NEDD9: variants seen among roughly 807,000 people sequenced by gnomAD.
NEDD9 encodes the protein neural precursor cell expressed, developmentally down-regulated 9.
NEDD9 carries 26 observed loss-of-function variants against 76.6 expected under a neutral mutation model. The observed-to-expected ratio is 0.34, with a 90% CI of 0.25 to 0.47. The LOEUF (loss-of-function observed/expected upper bound fraction) is 0.47, where lower values mean the gene tolerates loss of function less well. Among genes scored for constraint, NEDD9 ranks in the 20% least tolerant of loss-of-function variants. The pLI is 1.00. For synonymous variants in NEDD9, 392 were observed against 414.2 expected (o/e 0.95, Z 0.65); for missense variants, 937 against 1,058.5 (o/e 0.89, Z 1.59).
At chr6:11,337,883 T>C (rs1334174688) in intron 1 of NEDD9, among the ~76,000 whole-genome samples, 3 of 152,166 alleles carry the variant, frequency 2.0e-5, no homozygotes, top group Non-Finnish European at 4.4e-5. Flanking sequence ...TTAAAAAATA[T>C]TAAGGTTTTC....
intron 3 of NEDD9, among the ~76,000 whole-genome samples, chr6:11,296,073 A>G (rs1232638258): frequency 6.6e-6 from 1 of 152,118 alleles, no homozygotes; most frequent in East Asian, 1.9e-4. Context: ...TAAGAAGAGG[A>G]GATGAGGACA....
chr6:11,265,669 G>T (rs1760187979), intron 3 of NEDD9, among the ~76,000 whole-genome samples: 1 of 152,208 alleles, frequency 6.6e-6, no homozygotes, highest in Admixed American at 6.5e-5. Flanking sequence ...GGAATCAGGG[G>T]AGAGGTGTCA....
In NEDD9 at chr6:11,213,692, T is replaced by G; in HGVS notation, c.48A>C (p.Pro16=). 6.2e-7 allele frequency: 1 copy of G among 1,614,146 alleles called. No individual in the cohort carries two copies. The highest frequency in any genetic ancestry group is 8.5e-7 in the Non-Finnish European group (1 of 1,180,024). Residue 16 remains proline (P), a synonymous_variant, in exon 2 of 7, where the codon CCA becomes CCC. Transcript: ENST00000379446. This position sits in a 1 kb window ranked among gnomAD's most constrained non-coding sequence, Gnocchi z 5.4. Reference sequence around the variant, plus strand: ...GAAAGGCCAGTTCCTCGGCACACTCTGGGACATTGTCATATAAGGCCCTTG... The same window carrying G: ...GAAAGGCCAGTTCCTCGGCACACTCGGGGACATTGTCATATAAGGCCCTTG... The part of the protein sequence containing the change: ...LMARALYDNV[P]ECAEELAFRK...
rs1321748573 is a variant in NEDD9, at chr6:11,370,929, G to A, written c.-214+11210C>T. ...TGGCCATTTTGCATGGCATGTGAGG[G>A]AGGGCTGGCGGATTGGGTGACTTGT... On this transcript the variant is annotated intron_variant, in intron 1 of 3. Coordinates refer to the NEDD9 transcript ENST00000397378. This position sits in a 1 kb window ranked among gnomAD's most constrained non-coding sequence, Gnocchi z 4.2. Among the ~76,000 whole-genome samples, 12 of 152,138 alleles carry A rather than the reference G, an allele frequency of 7.9e-5. No individual in the cohort carries two copies.
At chr6:11,287,981 C>A (rs191682683) in intron 3 of NEDD9, among the ~76,000 whole-genome samples, 1 of 152,166 alleles carries the variant, frequency 6.6e-6, no homozygotes, top group Non-Finnish European at 1.5e-5. Context: ...GGTGGGGTCC[C>A]GGGTACAGTT....
intron 2 of NEDD9, among the ~76,000 whole-genome samples, chr6:11,333,714 T>C (rs1369581500): frequency 6.6e-6 from 1 of 152,222 alleles, no homozygotes; most frequent in Non-Finnish European, 1.5e-5. Flanking sequence ...CCTGCAGCTG[T>C]GTTTAGGAGG....
chr6:11,185,633 C>G lies in NEDD9; in HGVS notation c.2034G>C (p.Lys678Asn). 6.2e-7 allele frequency: 1 copy of G among 1,614,172 alleles called. No homozygotes were observed. The highest frequency in any genetic ancestry group is 8.5e-7 in the Non-Finnish European group (1 of 1,180,048). Reference sequence around the variant, plus strand: ...ACTTCGAGATGTCATTCTCCACGGGCTTTGTAATCTCTTGTTCCAACAGCT... The same window carrying G: ...ACTTCGAGATGTCATTCTCCACGGGGTTTGTAATCTCTTGTTCCAACAGCT... Reference protein sequence around the residue: ...QFQLLEQEITKPVENDISKWK... With the variant: ...QFQLLEQEITNPVENDISKWK... The change falls in exon 7 of 7, where the codon AAG becomes AAC. Residue 678 changes from lysine (K) to asparagine (N), a missense_variant. Physicochemically the swap from Lys to Asn is moderately conservative, Grantham distance 94. Coordinates refer to ENST00000379446, the MANE Select transcript of NEDD9 (RefSeq NM_006403.4).
chr6:11,188,047 C>G (rs1265397073), intron 6 of NEDD9, among the ~76,000 whole-genome samples, 171 bp downstream of exon 6: 1 of 152,202 alleles, frequency 6.6e-6, no homozygotes, highest in African/African-American at 2.4e-5. Context: ...GTTGAACTAA[C>G]AAGGTCATAA....
chr6:11,233,279 T>C (rs565131580), upstream of NEDD9: 3 of 519,036 alleles, frequency 5.8e-6, no homozygotes, highest in Admixed American at 5.8e-5. Flanking sequence ...TGGAAGACAA[T>C]TCTCCCTTAG....
intron 1 of NEDD9, among the ~76,000 whole-genome samples, chr6:11,222,531 G>C (rs1463210986): frequency 6.6e-6 from 1 of 152,226 alleles, no homozygotes; most frequent in Non-Finnish European, 1.5e-5. Flanking sequence ...CCTTCATTGT[G>C]AAATTGTTCA....
intron 1 of NEDD9, among the ~76,000 whole-genome samples, chr6:11,338,046 C>G (rs1423545723): frequency 6.6e-6 from 1 of 152,080 alleles, no homozygotes; most frequent in Non-Finnish European, 1.5e-5. Context: ...GAGTGCTGTC[C>G]CCTCCAAATT....
Position 11,232,496 on chromosome 6 carries a change from T to C in NEDD9, c.12+8A>G, listed in dbSNP as rs1759511003. On this transcript the variant is annotated splice_region_variant and intron_variant, in intron 1 of 6. Transcript: ENST00000379446. ...TTGCAAGGTAACCTGTAAAAGGCAC[T>C]CTCTTACCTTATACTTCATTTCGGC... 2 of 1,614,180 alleles carry C rather than the reference T, an allele frequency of 1.2e-6. No individual in the cohort carries two copies. Among genetic ancestry groups the C allele is most frequent in the Non-Finnish European group, 1.7e-6 (2 of 1,180,016 alleles).
chr6:11,232,381 G>A (rs1258324029), intron 1 of NEDD9, 123 bp downstream of exon 1: 15 of 1,229,722 alleles, frequency 1.2e-5, no homozygotes, highest in East Asian at 2.4e-5. Context: ...CAGTGACCGA[G>A]ACTCATCTTA....
intron 3 of NEDD9, among the ~76,000 whole-genome samples, chr6:11,270,925 G>A (rs553279736): frequency 6.6e-6 from 1 of 152,214 alleles, no homozygotes; most frequent in Admixed American, 6.5e-5. Context: ...GACTGGAGAA[G>A]GGAATTGGGG....
At chr6:11,305,713 T>G in intron 3 of NEDD9, 1 of 459,202 alleles carries the variant, frequency 2.2e-6, no homozygotes, top group Non-Finnish European at 4.0e-6. Context: ...TCGGGCACCA[T>G]TATGTTAAGT....
intron 2 of NEDD9, among the ~76,000 whole-genome samples, chr6:11,313,204 G>T (rs1761427743): frequency 6.6e-6 from 1 of 151,444 alleles, no homozygotes; most frequent in African/African-American, 2.4e-5. Context: ...TGGATCAATG[G>T]GTAGATATAT....
At chr6:11,239,374 A>G (rs745722577) in intron 3 of NEDD9, among the ~76,000 whole-genome samples, 1 of 152,090 alleles carries the variant, frequency 6.6e-6, no homozygotes, top group Non-Finnish European at 1.5e-5. Flanking sequence ...ACTGAACCCC[A>G]TCTTTTGTCC....
intron 1 of NEDD9, among the ~76,000 whole-genome samples, chr6:11,350,786 T>G (rs1229365846): frequency 6.6e-6 from 1 of 151,796 alleles, no homozygotes; most frequent in Admixed American, 6.6e-5. Flanking sequence ...GACAGGTGAG[T>G]GAGCAAGTGG....
At chr6:11,249,075 C>T in intron 3 of NEDD9, 1 of 454,446 alleles carries the variant, frequency 2.2e-6, no homozygotes, top group Non-Finnish European at 4.4e-6. Flanking sequence ...GGCTGCAATG[C>T]CCACGTATTT....
Sources: gnomAD v4.1 joint callset for allele counts (sites outside exome capture counted in the v4.1 genomes callset) on GRCh38, gnomAD v4.1.1 for gene constraint, Gnocchi (gnomAD v3.1) non-coding constraint, MANE v1.5 for transcripts, NCBI Gene and HGNC (gene_info 2026-07-23, HGNC 2026-07-21) for gene names.